The following SLC7A7 variants were observed in gnomAD, a reference collection of about 807,000 sequenced individuals.
The protein encoded by SLC7A7 is solute carrier family 7 member 7, also known as Y+L amino acid transporter 1.
SLC7A7 carries 39 observed loss-of-function variants against 47.9 expected under a neutral mutation model. The observed-to-expected ratio is 0.81, with a 90% CI of 0.63 to 1.06. The LOEUF is 1.06. Among genes scored for constraint, SLC7A7 ranks in the 50% least tolerant of loss-of-function variants. The pLI is 0.00. For synonymous variants in SLC7A7, 234 were observed against 242.8 expected (o/e 0.96, Z 0.34); for missense variants, 588 against 632.0 (o/e 0.93, Z 0.75).
chr14:22,806,033 C>T (rs2039196697), intron 2 of SLC7A7, among the ~76,000 whole-genome samples: 1 of 139,892 alleles, frequency 7.1e-6, no homozygotes, highest in African/African-American at 2.7e-5. Flanking sequence ...CCCAGCCACT[C>T]GGGAGGCTGA....
intron 2 of SLC7A7, among the ~76,000 whole-genome samples, chr14:22,783,713 C>T (rs1196135869): frequency 6.6e-6 from 1 of 151,880 alleles, no homozygotes; most frequent in African/African-American, 2.4e-5. Context: ...CCAGTCTCTT[C>T]TCTACTTCTC....
rs1594942768 is a variant in SLC7A7, at chr14:22,774,096, A to G, written c.1266T>C (p.Ile422=). 1 of 1,614,220 alleles carries G rather than the reference A, an allele frequency of 6.2e-7. No individual in the cohort carries two copies. Among genetic ancestry groups the G allele is most frequent in the Non-Finnish European group, 8.5e-7 (1 of 1,180,044 alleles). The change falls in exon 9 of 10, where the codon ATT becomes ATC. Residue 422 remains isoleucine, a synonymous_variant. Transcript: ENST00000674313. ...RPLKLSVFFP[I]VFCLCTIFLV... ...GGAAGATGGTGCAGAGGCAGAAGAC[A>G]ATCGGGAAGAAAACGCTGAGCTAAG... is the stretch of plus-strand genomic sequence containing the variant.
intron 2 of SLC7A7, among the ~76,000 whole-genome samples, chr14:22,806,844 T>A (rs866335555): frequency 6.6e-6 from 1 of 151,332 alleles, no homozygotes; most frequent in South Asian, 2.1e-4. Context: ...GGGCTTTACC[T>A]GTGAGAGCTC....
Position 22,788,021 on chromosome 14 carries a change from C to T in SLC7A7, c.500-7970G>A, listed in dbSNP as rs541771773. ...CCGGGAGGCGGCGGTTGCAGTGAGC[C>T]GAGATCGCGCCACCGCACTCCAGCC... On this transcript the variant is annotated intron_variant, in intron 2 of 9. Transcript: ENST00000674313. Among the ~76,000 whole-genome samples the T allele has an allele frequency of 3.8e-4, 58 of 151,602 alleles. 3 individuals are homozygous for T. The South Asian group carries it at 0.011, about 30-fold the overall frequency.
At chr14:22,808,239 T>C (rs1022832850) in intron 2 of SLC7A7, among the ~76,000 whole-genome samples, 11 of 152,180 alleles carry the variant, frequency 7.2e-5, no homozygotes, top group African/African-American at 2.4e-4. Flanking sequence ...TGCATGACAA[T>C]TATTTGTTAA....
chr14:22,776,355 C>T (rs757095817), intron 4 of SLC7A7, 37 bp from the exon 5 acceptor site: 10 of 1,613,982 alleles, frequency 6.2e-6, no homozygotes, highest in Admixed American at 1.7e-5. Context: ...ATTAGTCCCA[C>T]AGTCATATCC....
At chr14:22,814,321 T>C (rs537659575) in intron 1 of SLC7A7, among the ~76,000 whole-genome samples, 16 of 151,436 alleles carry the variant, frequency 1.1e-4, no homozygotes, top group African/African-American at 2.2e-4. Flanking sequence ...CAGTCTCTAC[T>C]AAAAATACAA....
intron 2 of SLC7A7, among the ~76,000 whole-genome samples, chr14:22,787,874 C>T (rs958061361): frequency 7.9e-5 from 12 of 151,942 alleles, no homozygotes; most frequent in African/African-American, 2.7e-4. Context: ...GAGATCGAGA[C>T]CATCCTGGCT....
At chr14:22,778,739 G>A (rs2038661117) in intron 4 of SLC7A7, 54 bp downstream of exon 4, 1 of 1,591,094 alleles carries the variant, frequency 6.3e-7, no homozygotes. Flanking sequence ...CGTAGTAGGA[G>A]CTCATTAAAT....
chr14:22,789,505 A>T (rs1159749342), intron 2 of SLC7A7, among the ~76,000 whole-genome samples: 1 of 151,714 alleles, frequency 6.6e-6, no homozygotes, highest in Non-Finnish European at 1.5e-5. Context: ...GTGGGTGCCT[A>T]TAATCCCAGC....
upstream of SLC7A7, among the ~76,000 whole-genome samples, chr14:22,819,199 T>C (rs1363688673): frequency 7.9e-5 from 12 of 152,074 alleles, no homozygotes; most frequent in Non-Finnish European, 1.3e-4. Flanking sequence ...AGGGAACTAC[T>C]ATAAGAACAC....
At chr14:22,796,987 A>C (rs1306975294) in intron 2 of SLC7A7, among the ~76,000 whole-genome samples, 5 of 152,382 alleles carry the variant, frequency 3.3e-5, no homozygotes, top group African/African-American at 1.2e-4. Flanking sequence ...TATGATATGA[A>C]TATAACTTGC....
chr14:22,785,466 G>T, intron 2 of SLC7A7, among the ~76,000 whole-genome samples: 1 of 151,228 alleles, frequency 6.6e-6, no homozygotes, highest in Middle Eastern at 3.4e-3. Context: ...GCTGGCTCAC[G>T]CCTGTAATCC....
intron 7 of SLC7A7, 139 bp from the exon 8 acceptor site, chr14:22,774,642 C>T: frequency 6.4e-6 from 7 of 1,101,232 alleles, no homozygotes; most frequent in Non-Finnish European, 9.6e-6. Flanking sequence ...ATCCCTTTAA[C>T]ACCCTAGTTT....
rs1268141989 is a variant in SLC7A7 at position 22,775,491 on chromosome 14, T to A, written c.1048A>T (p.Met350Leu). The change falls in exon 7 of 10, where the codon ATG becomes TTG. Residue 350 changes from methionine (M) to leucine (L), a missense_variant. By Grantham distance (15) the Met-to-Leu change is conservative (BLOSUM62 2). Transcript: ENST00000674313. ...REGHLPDAIC[M>L]IHVERFTPVP... ...GGTGTGAACCGCTCAACATGGATCA[T>A]GCAGATGGCATCAGGGAGATGGCCT... The A allele has an allele frequency of 6.2e-7, 1 of 1,614,208 alleles. No homozygotes were observed. The highest frequency in any genetic ancestry group is 2.2e-5 in the East Asian group (1 of 44,890).
At chr14:22,787,436 AAAATAAAT>A (rs34759644) in intron 2 of SLC7A7, among the ~76,000 whole-genome samples, 6 of 148,278 alleles carry the variant, frequency 4.0e-5, no homozygotes, top group South Asian at 2.2e-4. Context: ...ACTCCGTCTC[AAAATAAAT>A]AAATAAATAA....
At chr14:22,809,152 G>A (rs1038849895) in intron 2 of SLC7A7, among the ~76,000 whole-genome samples, 19 of 152,108 alleles carry the variant, frequency 1.2e-4, no homozygotes, top group African/African-American at 3.6e-4. Flanking sequence ...CCATAACTGC[G>A]GCTACTTTGC....
chr14:22,810,767 C>T (rs1368396818), intron 2 of SLC7A7, among the ~76,000 whole-genome samples: 1 of 152,154 alleles, frequency 6.6e-6, no homozygotes, highest in Non-Finnish European at 1.5e-5. Flanking sequence ...CACCTGAGGT[C>T]GGGAGTTCAA....
intron 2 of SLC7A7, among the ~76,000 whole-genome samples, chr14:22,802,533 G>T (rs769136006): frequency 2.6e-5 from 4 of 152,198 alleles, no homozygotes; most frequent in Admixed American, 6.5e-5. Flanking sequence ...CAAGATGGTA[G>T]ATGTTTTCCT....
Sources: allele counts gnomAD v4.1 joint callset (sites outside exome capture counted in the v4.1 genomes callset), GRCh38; gene constraint gnomAD v4.1.1; transcripts MANE v1.5; gene names NCBI Gene and HGNC (gene_info 2026-07-23, HGNC 2026-07-21).